The following ZBTB1 variants were observed in gnomAD, a reference collection of about 807,000 sequenced individuals.
ZBTB1 encodes zinc finger and BTB domain-containing protein 1.
In ZBTB1, 13 loss-of-function variants were observed where a neutral mutation model predicts 51.6. The ratio of observed to expected loss-of-function variants is 0.25; its 90% CI spans 0.16 to 0.40. ZBTB1 has a LOEUF of 0.40. Among genes scored for constraint, ZBTB1 ranks in the 10% least tolerant of loss-of-function variants. ZBTB1 has a pLI of 1.00. For synonymous variants in ZBTB1, 240 were observed against 282.2 expected (o/e 0.85, Z 1.50); for missense variants, 567 against 856.5 (o/e 0.66, Z 4.22).
At chr14:64,514,549 A>G (rs2079760181) in intron 1 of ZBTB1, among the ~76,000 whole-genome samples, 1 of 152,240 alleles carries the variant, frequency 6.6e-6, no homozygotes, top group South Asian at 2.1e-4. Flanking sequence ...CCAATTTGAG[A>G]GATCTAGCAA....
rs1359228023 is a variant in ZBTB1, at chr14:64,504,933, T to A, written c.-32T>A. ...TCCCTAAAATCTCCGCAGCTCTGGT[T>A]CCTGTTGCGGCCGGTAAGTATTTGC... On this transcript the variant is annotated 5_prime_UTR_variant, in exon 1 of 2. Transcript: ENST00000683701. 2.5e-6 allele frequency: 1 copy of A among 395,662 alleles called. No homozygotes were observed. Among genetic ancestry groups the A allele is most frequent in the Non-Finnish European group, 4.5e-6 (1 of 223,828 alleles). The allele number at this position is 395,662 out of a possible 1,614,324, so 24.5% of individuals were successfully genotyped here.
chr14:64,516,543 C>T (rs749706939), intron 1 of ZBTB1: 1 of 152,250 alleles, frequency 6.6e-6, no homozygotes, highest in African/African-American at 2.4e-5. Flanking sequence ...AACATGGATG[C>T]AGTGGGATTC....
intron 1 of ZBTB1, among the ~76,000 whole-genome samples, chr14:64,520,677 A>G (rs1480291571): frequency 6.6e-6 from 1 of 152,212 alleles, no homozygotes; most frequent in Admixed American, 6.5e-5. Context: ...AAGTATATAT[A>G]TCCAAAAGAT....
rs71444663 is a variant in ZBTB1, at chr14:64,521,499, CAG to C, written c.-4_-3del. 3,572 of 1,584,158 alleles carry C rather than the reference CAG, an allele frequency of 2.3e-3. 12 individuals carry two copies. Among genetic ancestry groups the C allele is most frequent in the Non-Finnish European group, 2.7e-3 (3,159 of 1,167,616 alleles). On this transcript the variant is annotated 5_prime_UTR_variant, in exon 2 of 2. Coordinates refer to ENST00000683701, the MANE Select transcript of ZBTB1 (RefSeq NM_001123329.2). ...TTGTTTTACATAGGTCTCTAATTAA[CAG>C]AAGATGGCAAAGCCCAGCCACAGCA...
chr14:64,508,108 TTGA>T (rs140229635), intron 1 of ZBTB1, among the ~76,000 whole-genome samples: 1,554 of 152,260 alleles, frequency 0.01, 21 homozygotes, highest in African/African-American at 0.036. Context: ...TGTGAAGAAG[TTGA>T]TGATGATCTA....
chr14:64,514,765 C>T (rs1450353418), intron 1 of ZBTB1, among the ~76,000 whole-genome samples: 1 of 152,118 alleles, frequency 6.6e-6, no homozygotes, highest in African/African-American at 2.4e-5. Flanking sequence ...AGGACTCATG[C>T]CCTGTCCTTG....
chr14:64,516,170 A>C lies in ZBTB1; in HGVS notation c.-18-5317A>C, dbSNP rs375996056. On this transcript the variant is annotated intron_variant, in intron 1 of 1. Transcript: ENST00000683701. The stretch of plus-strand genomic sequence containing the variant: ...AGGATTGCTTGGAGAATGAGTACCC[A>C]TATTAAAGCAGGAACAGAATGCTAT... 3.3e-4 allele frequency among the ~76,000 whole-genome samples: 50 copies of C among 152,202 alleles called. 1 individual carries two copies. The highest frequency in any genetic ancestry group is 9.6e-4 in the East Asian group (5 of 5,200).
downstream of ZBTB1, among the ~76,000 whole-genome samples, chr14:64,529,386 A>G (rs2079926956): frequency 6.6e-6 from 1 of 152,210 alleles, no homozygotes; most frequent in Non-Finnish European, 1.5e-5. Context: ...TGAAGGACTC[A>G]AATCATTTGA....
intron 1 of ZBTB1, chr14:64,505,288 T>C (rs2079631468): frequency 1.7e-5 from 3 of 180,682 alleles, no homozygotes; most frequent in Non-Finnish European, 3.4e-5. Context: ...ACCCGGTTGA[T>C]TGACGTGCCT....
At chr14:64,514,895 C>G (rs1254271724) in intron 1 of ZBTB1, among the ~76,000 whole-genome samples, 2 of 152,150 alleles carry the variant, frequency 1.3e-5, no homozygotes, top group African/African-American at 4.8e-5. Context: ...GCACAGTTAA[C>G]TATACCCTGA....
chr14:64,512,095 CATT>C (rs2079730760), intron 1 of ZBTB1, among the ~76,000 whole-genome samples: 1 of 152,122 alleles, frequency 6.6e-6, no homozygotes, highest in African/African-American at 2.4e-5. Flanking sequence ...GTAATTATGA[CATT>C]AATTTTTTTT....
In ZBTB1 at chr14:64,522,700, G is replaced by C. The variant is rs1403864141; in HGVS notation, c.1196G>C (p.Arg399Thr). The C allele has an allele frequency of 6.2e-7, 1 of 1,614,078 alleles. No individual in the cohort carries two copies. The highest frequency in any genetic ancestry group is 1.3e-5 in the African/African-American group (1 of 74,934). The change falls in exon 2 of 2, where the codon AGA (arginine) becomes ACA (threonine). Residue 399 changes from arginine to threonine, a missense_variant. By Grantham distance (71) the Arg-to-Thr change is moderately conservative. This residue lies in a region of ZBTB1 where 329 missense variants were observed against 406.3 expected (regional missense o/e 0.81). Transcript: ENST00000683701. ...KPRMSVSADE[R>T]GGLENMRPPN... is the part of the protein sequence containing the mutation. ...CGAATGTCAGTAAGTGCTGATGAAAGAGGTGGTTTAGAGAATATGAGGCCC... is the reference window on the plus strand; with the variant it reads ...CGAATGTCAGTAAGTGCTGATGAAACAGGTGGTTTAGAGAATATGAGGCCC...
rs776132804 is a variant in ZBTB1, at chr14:64,521,519, C to A, written c.15C>A (p.Ser5Arg). Residue 5 changes from serine (S) to arginine (R), a missense_variant, in exon 2 of 2, where the codon AGC becomes AGA. By Grantham distance (110) the Ser-to-Arg change is moderately radical. Transcript: ENST00000683701. Reference sequence around the variant, plus strand: ...ATTAACAGAAGATGGCAAAGCCCAGCCACAGCAGCTATGTCCTTCAGCAGC... The same window carrying A: ...ATTAACAGAAGATGGCAAAGCCCAGACACAGCAGCTATGTCCTTCAGCAGC... The part of the protein sequence containing the change: MAKP[S>R]HSSYVLQQLN... The A allele has an allele frequency of 6.2e-7, 1 of 1,605,082 alleles. No homozygotes were observed. Among genetic ancestry groups the A allele is most frequent in the East Asian group, 2.2e-5 (1 of 44,780 alleles).
rs1295463332 is a variant in ZBTB1 at position 64,524,222 on chromosome 14, T to C, written c.*576T>C. ...GGTTGACATGGGCTCAAACTTGGCC[T>C]AAAAAGATTGATGAACCTGAGGAAA... is the stretch of plus-strand genomic sequence containing the variant. On this transcript the variant is annotated 3_prime_UTR_variant, in exon 2 of 2. Coordinates refer to ENST00000683701, the MANE Select transcript of ZBTB1 (RefSeq NM_001123329.2). The C allele has an allele frequency of 2.0e-6, 2 of 985,072 alleles. No individual in the cohort carries two copies. The highest frequency in any genetic ancestry group is 2.4e-6 in the Non-Finnish European group (2 of 829,810). The allele number at this position is 985,072 out of a possible 1,614,324, so 61.0% of individuals were successfully genotyped here.
intron 2 of ZBTB1, chr14:64,531,719 G>C: frequency 1.2e-6 from 1 of 853,952 alleles, no homozygotes; most frequent in Non-Finnish European, 1.8e-6. Flanking sequence ...CTATGCTTGT[G>C]TTTCTATTCT....
downstream of ZBTB1, among the ~76,000 whole-genome samples, chr14:64,527,376 T>C (rs2079911331): frequency 5.3e-5 from 8 of 151,130 alleles, 1 homozygote; most frequent in South Asian, 1.7e-3. Context: ...TTTGGGAGGC[T>C]GAGGTGGGTG....
Position 64,504,794 on chromosome 14 carries a change from C to A in ZBTB1, c.-171C>A. The A allele has an allele frequency of 2.6e-6, 1 of 384,216 alleles. No individual in the cohort carries two copies. The allele number at this position is 384,216 out of a possible 1,614,324, so 23.8% of individuals were successfully genotyped here. A position where few individuals can be genotyped will look rare whatever the true frequency, so the allele number is the denominator to read the frequency against. On this transcript the variant is annotated 5_prime_UTR_variant, in exon 1 of 2. Transcript: ENST00000683701. ...TGTTGCAGCACAGTCCCTGGCAGAGCCAGAGCCTCTCCGCGCAGCCCAGCC... is the reference window on the plus strand; with the variant it reads ...TGTTGCAGCACAGTCCCTGGCAGAGACAGAGCCTCTCCGCGCAGCCCAGCC...
intron 2 of ZBTB1, among the ~76,000 whole-genome samples, chr14:64,530,598 C>G (rs1405665588): frequency 6.8e-6 from 1 of 147,590 alleles, no homozygotes; most frequent in African/African-American, 2.5e-5. Flanking sequence ...CAGACTCCGT[C>G]TCAAAAAAAA....
At chr14:64,520,250 G>T (rs192684622) in intron 1 of ZBTB1, among the ~76,000 whole-genome samples, 2 of 152,124 alleles carry the variant, frequency 1.3e-5, no homozygotes, top group South Asian at 4.2e-4. Flanking sequence ...TGATCCGCCC[G>T]CCTCGGCCTC....
Sources: allele counts gnomAD v4.1 joint callset (sites outside exome capture counted in the v4.1 genomes callset), GRCh38; gene constraint gnomAD v4.1.1; regional missense constraint gnomAD v4.1.1; transcripts MANE v1.5; gene names NCBI Gene and HGNC (gene_info 2026-07-23, HGNC 2026-07-21).